The following SYT14 variants were observed in gnomAD, a reference collection of about 807,000 sequenced individuals.
SYT14 encodes the protein synaptotagmin 14.
Under a neutral mutation model 74.2 loss-of-function variants are expected in SYT14, and 32 were observed. The ratio of observed to expected loss-of-function variants is 0.43; its 90% confidence interval spans 0.33 to 0.58. The LOEUF (loss-of-function observed/expected upper bound fraction) is 0.58, where lower values mean the gene tolerates loss of function less well. SYT14 is among the 20% of genes least tolerant of loss of function. The pLI, the probability that SYT14 is intolerant of heterozygous loss-of-function variation, is 0.05. For synonymous variants in SYT14, 298 were observed against 337.7 expected, an observed-to-expected ratio of 0.88 and a Z score of 1.29; for missense variants, 791 against 981.8, an observed-to-expected ratio of 0.81 and a Z score of 2.60.
intron 2 of SYT14, among the ~76,000 whole-genome samples, chr1:209,989,407 T>A (rs1297216581): frequency 6.6e-6 from 1 of 152,200 alleles, no homozygotes; most frequent in Non-Finnish European, 1.5e-5. Flanking sequence ...TGTAGGTTTA[T>A]GAATAAAAAG....
chr1:210,162,288 A>C (rs1274522309), exon 10 of SYT14: 1 of 441,448 alleles, frequency 2.3e-6, no homozygotes, highest in Non-Finnish European at 4.5e-6. Flanking sequence ...TATTTGCAAA[A>C]TTAAGCCTTC....
chr1:210,072,150 T>C (rs1158113257), intron 5 of SYT14, among the ~76,000 whole-genome samples: 12 of 148,078 alleles, frequency 8.1e-5, no homozygotes, highest in Non-Finnish European at 1.5e-4. Context: ...TATATATATA[T>C]ACTATTTTTT....
intron 5 of SYT14, among the ~76,000 whole-genome samples, chr1:210,074,587 T>A (rs1170257277): frequency 5.9e-5 from 9 of 152,212 alleles, no homozygotes; most frequent in Non-Finnish European, 1.2e-4. Flanking sequence ...TGTTCTCAGG[T>A]GACTACAGTC....
At position 209,957,716 on chromosome 1, in the gene SYT14, C is replaced by G. The variant is rs1176661156; in HGVS notation, c.-486+4960C>G. ...TGCTGGGATTACAGGCGTGAACCAC[C>G]CTGCCCAGCCTGTAGATTTTTTCCT... is the stretch of plus-strand genomic sequence containing the variant. On this transcript the variant is annotated intron_variant, in intron 2 of 9. Coordinates refer to ENST00000637265, the Ensembl canonical transcript of SYT14. 8.5e-5 allele frequency among the ~76,000 whole-genome samples: 13 copies of G among 152,056 alleles called. No homozygotes were observed. In the East Asian group the frequency reaches 2.5e-3, roughly 29 times the overall value.
chr1:210,000,972 T>C (rs1297257570), intron 2 of SYT14, among the ~76,000 whole-genome samples: 1 of 152,118 alleles, frequency 6.6e-6, no homozygotes, highest in East Asian at 1.9e-4. Context: ...CTGAATTATG[T>C]TTTTCATTAA....
chr1:210,043,894 G>C (rs1472374696), intron 5 of SYT14, among the ~76,000 whole-genome samples: 2 of 152,130 alleles, frequency 1.3e-5, no homozygotes, highest in African/African-American at 4.8e-5. Flanking sequence ...AGTTGAATCT[G>C]TCTCACAGAC....
At chr1:210,151,524 TTTTA>T (rs1249595214) in intron 7 of SYT14, among the ~76,000 whole-genome samples, 1 of 147,538 alleles carries the variant, frequency 6.8e-6, no homozygotes, top group Non-Finnish European at 1.5e-5. Context: ...TTTTTTTTTT[TTTTA>T]ACTACAGTGG....
At chr1:210,170,697 T>C (rs978483808) in exon 10 of SYT14, 1 of 152,138 alleles carries the variant, frequency 6.6e-6, no homozygotes, top group Non-Finnish European at 1.5e-5. Context: ...AAATAAATGT[T>C]AATATGACTG....
chr1:210,067,191 T>G (rs2081312288), intron 5 of SYT14, among the ~76,000 whole-genome samples: 1 of 152,030 alleles, frequency 6.6e-6, no homozygotes, highest in African/African-American at 2.4e-5. Flanking sequence ...ACTCTCTTGA[T>G]TACAGTTGCT....
intron 5 of SYT14, among the ~76,000 whole-genome samples, chr1:210,078,750 ATT>A (rs60254735): frequency 3.5e-5 from 5 of 144,408 alleles, no homozygotes; most frequent in Admixed American, 6.9e-5. Context: ...ATACGTATGA[ATT>A]TTTTTTTTTT....
intron 5 of SYT14, among the ~76,000 whole-genome samples, chr1:210,071,251 GAGCTTTCCTT>G (rs2081388408): frequency 1.4e-5 from 1 of 69,526 alleles, no homozygotes. Flanking sequence ...GTAAATTAAA[GAGCTTTCCTT>G]TAGTAAGTAG....
chr1:209,978,191 T>G (rs1379632987), intron 2 of SYT14, among the ~76,000 whole-genome samples: 4 of 149,464 alleles, frequency 2.7e-5, no homozygotes, highest in African/African-American at 7.5e-5. Flanking sequence ...GTCTGAAGCC[T>G]TCTTCTCTCA....
At chr1:210,100,283 A>G (rs1220891327) in exon 7 of SYT14, 1 of 1,614,144 alleles carries the variant, frequency 6.2e-7, no homozygotes, top group East Asian at 2.2e-5. Flanking sequence ...GAAACATTTA[A>G]ATTTAATCAT....
chr1:210,162,282 T>C (rs1344354794), exon 10 of SYT14: 1 of 439,060 alleles, frequency 2.3e-6, no homozygotes, highest in Admixed American at 2.5e-5. Flanking sequence ...ACGTTGTATT[T>C]GCAAAATTAA....
At chr1:210,006,432 G>A (rs970847987) in intron 2 of SYT14, among the ~76,000 whole-genome samples, 5 of 151,760 alleles carry the variant, frequency 3.3e-5, no homozygotes, top group South Asian at 2.1e-4. Context: ...ATAAATTATA[G>A]CATTTTTCTG....
chr1:210,041,944 T>C (rs951291161), intron 5 of SYT14, among the ~76,000 whole-genome samples: 3 of 152,104 alleles, frequency 2.0e-5, no homozygotes, highest in Non-Finnish European at 4.4e-5. Flanking sequence ...AAAAGCACTC[T>C]GCTCTGGGTT....
At chr1:209,954,078 T>C (rs1235446783) in intron 2 of SYT14, among the ~76,000 whole-genome samples, 1 of 152,204 alleles carries the variant, frequency 6.6e-6, no homozygotes, top group Non-Finnish European at 1.5e-5. Flanking sequence ...TTTTAAAACT[T>C]TTAATTTGCT....
chr1:210,055,760 G>A (rs2081084413), intron 5 of SYT14, among the ~76,000 whole-genome samples: 1 of 149,732 alleles, frequency 6.7e-6, no homozygotes, highest in Non-Finnish European at 1.5e-5. Context: ...AGCTATGATT[G>A]TTCCACTGAA....
chr1:210,116,595 C>A (rs963759526), intron 7 of SYT14, among the ~76,000 whole-genome samples: 1 of 152,226 alleles, frequency 6.6e-6, no homozygotes, highest in Non-Finnish European at 1.5e-5. Context: ...GATCTGCCCC[C>A]CTTGGCCTCC....
Sources: gnomAD v4.1 joint callset for allele counts (sites outside exome capture counted in the v4.1 genomes callset) on GRCh38, gnomAD v4.1.1 for gene constraint, MANE v1.5 for transcripts, NCBI Gene and HGNC (gene_info 2026-07-23, HGNC 2026-07-21) for gene names.